CADPS: variants seen among roughly 807,000 people sequenced by gnomAD.
The protein encoded by CADPS is calcium dependent secretion activator, also known as calcium-dependent secretion activator 1.
In CADPS, 57 loss-of-function variants were observed where a neutral mutation model predicts 167.3. The ratio of observed to expected loss-of-function variants is 0.34; its 90% CI spans 0.28 to 0.42. The LOEUF (loss-of-function observed/expected upper bound fraction) is 0.42, where lower values mean the gene tolerates loss of function less well. Among genes scored for constraint, CADPS ranks in the 20% least tolerant of loss-of-function variants. The pLI is 1.00. For missense variants in CADPS, 1,414 were observed against 1,738.1 expected (o/e 0.81, Z 3.32); for synonymous variants, 676 against 635.3 (o/e 1.06, Z -0.96).
At chr3:62,769,597 C>A (rs746455471) in intron 1 of CADPS, among the ~76,000 whole-genome samples, 2 of 152,140 alleles carry the variant, frequency 1.3e-5, no homozygotes, top group Non-Finnish European at 2.9e-5. Flanking sequence ...GGGGACATTT[C>A]ACATGTACAC....
At chr3:62,442,256 G>A (rs746529235) in intron 27 of CADPS, among the ~76,000 whole-genome samples, 76 of 147,838 alleles carry the variant, frequency 5.1e-4, no homozygotes, top group Non-Finnish European at 8.1e-4. Context: ...TTGTTGCCCA[G>A]GCTGGAGTAC....
chr3:62,542,579 C>G (rs2075864574), intron 11 of CADPS, among the ~76,000 whole-genome samples: 1 of 152,030 alleles, frequency 6.6e-6, no homozygotes, highest in Non-Finnish European at 1.5e-5. Context: ...TGCCTGCTGC[C>G]CAGAGGCACA....
At chr3:62,863,637 T>C (rs2081199278) in intron 1 of CADPS, among the ~76,000 whole-genome samples, 3 of 152,252 alleles carry the variant, frequency 2.0e-5, no homozygotes, top group Admixed American at 1.3e-4. Context: ...TAGTTAAGCA[T>C]GGATGGGGAG....
At chr3:62,573,757 G>A (rs2081750173) in intron 8 of CADPS, among the ~76,000 whole-genome samples, 1 of 152,092 alleles carries the variant, frequency 6.6e-6, no homozygotes, top group Admixed American at 6.5e-5. Flanking sequence ...TAATTCTGCT[G>A]TTACAGTTAT....
rs890226077 is a variant in CADPS at position 62,753,537 on chromosome 3, G to A, written c.792C>T (p.Ser264=). Residue 264 remains serine (S), a synonymous_variant, in exon 3 of 30, where the codon TCC becomes TCT. Coordinates refer to ENST00000383710, the MANE Select transcript of CADPS (RefSeq NM_003716.4). This position sits in a 1 kb window ranked among gnomAD's most constrained non-coding sequence, Gnocchi z 4.6. ...GTTGCTCCTTGCTCAGAATCAGCTC[G>A]GAGGCTGCGCTGGCTGTCATCCGGG... The part of the protein sequence containing the change: ...QQARMTASAA[S]ELILSKEQLY... 1.2e-5 allele frequency: 19 copies of A among 1,613,972 alleles called. No homozygotes were observed. The highest frequency in any genetic ancestry group is 1.7e-5 in the Admixed American group (1 of 59,984).
At chr3:62,512,023 A>T (rs1484010724) in intron 17 of CADPS, among the ~76,000 whole-genome samples, 3 of 152,162 alleles carry the variant, frequency 2.0e-5, no homozygotes, top group Non-Finnish European at 4.4e-5. Context: ...GAATGTGCTC[A>T]GGAATGCTTT....
intron 29 of CADPS, among the ~76,000 whole-genome samples, chr3:62,402,168 T>A (rs528674791): frequency 2.1e-4 from 29 of 137,414 alleles, no homozygotes; most frequent in African/African-American, 8.0e-4. Context: ...GAACAGCAGT[T>A]GGTTGTAAGT....
rs190467072 is a variant in CADPS at position 62,561,439 on chromosome 3, T to C, written c.1645-3926A>G. 1.0e-3 allele frequency among the ~76,000 whole-genome samples: 154 copies of C among 151,880 alleles called. 1 individual carries two copies. The East Asian group carries it at 0.023, about 23-fold the overall frequency. ...GGCTATTTTTTTTTTTTTTTAATTT[T>C]TTGGTAGAGATGGTGGGGGGGATGT... is the stretch of plus-strand genomic sequence containing the variant. On this transcript the variant is annotated intron_variant, in intron 9 of 29. Transcript: ENST00000383710.
rs144078102 is a variant in CADPS at position 62,491,369 on chromosome 3, C to A, written c.2996G>T (p.Gly999Val). The A allele has an allele frequency of 2.5e-6, 4 of 1,613,964 alleles. No individual in the cohort carries two copies. In the African/African-American group the frequency reaches 5.3e-5, roughly 22 times the overall value. Residue 999 changes from glycine (G) to valine (V), a missense_variant, in exon 21 of 30, where the codon GGC (glycine) becomes GTC (valine). By Grantham distance (109) the Gly-to-Val change is moderately radical (BLOSUM62 -3). Coordinates refer to ENST00000383710, the MANE Select transcript of CADPS (RefSeq NM_003716.4). ...ESSIAQSIHRGFERESWEPVK... is the reference protein window; with the variant it reads ...ESSIAQSIHRVFERESWEPVK... ...TGGTTCCCATGACTCCCGCTCAAAG[C>A]CCCTGTGAATGGATTGTGCAATTGA...
rs1491524212 is a variant in CADPS at position 62,624,215 on chromosome 3, CTA to C, written c.1325+21505_1325+21506del. Among the ~76,000 whole-genome samples, 5 of 136,446 alleles carry C rather than the reference CTA, an allele frequency of 3.7e-5. No homozygotes were observed. The Admixed American group carries it at 3.9e-4, about 11-fold the overall frequency. The allele number at this position is 136,446 out of a possible 152,430, so 89.5% of individuals were successfully genotyped here. On this transcript the variant is annotated intron_variant, in intron 6 of 29. Coordinates refer to ENST00000383710, the MANE Select transcript of CADPS (RefSeq NM_003716.4). ...AGTAGTAGGGAAATTTTAGGTAGTTCTAAGAGTTGCACAGGTCCTTGAAGGAA... is the reference window on the plus strand; with the variant it reads ...AGTAGTAGGGAAATTTTAGGTAGTTCAGAGTTGCACAGGTCCTTGAAGGAA...
intron 3 of CADPS, among the ~76,000 whole-genome samples, chr3:62,707,249 A>G (rs1485399218): frequency 6.6e-6 from 1 of 152,064 alleles, no homozygotes; most frequent in Non-Finnish European, 1.5e-5. Flanking sequence ...AGGGATCTCC[A>G]TTGTATGCTC....
At chr3:62,503,742 T>C (rs1362308957) in intron 17 of CADPS, among the ~76,000 whole-genome samples, 1 of 152,232 alleles carries the variant, frequency 6.6e-6, no homozygotes, top group African/African-American at 2.4e-5. Flanking sequence ...AATGTTAGAA[T>C]ACTGTAATCA....
chr3:62,696,029 T>TC (rs1263936444), intron 3 of CADPS, among the ~76,000 whole-genome samples: 1 of 152,266 alleles, frequency 6.6e-6, no homozygotes, highest in East Asian at 1.9e-4. Flanking sequence ...TTGTCAGTTA[T>TC]CAGGGAAACT....
At chr3:62,493,758 T>C in intron 18 of CADPS, 93 bp from the exon 19 acceptor site, 1 of 1,069,632 alleles carries the variant, frequency 9.3e-7, no homozygotes, top group East Asian at 2.6e-5. Flanking sequence ...TCCATTTTAA[T>C]TTACAGTAAA....
intron 24 of CADPS, among the ~76,000 whole-genome samples, chr3:62,472,944 T>C (rs1280329800): frequency 6.6e-6 from 1 of 152,192 alleles, no homozygotes; most frequent in African/African-American, 2.4e-5. Context: ...GCCAGCAGCA[T>C]TAGCATCGCC....
At chr3:62,481,953 A>G (rs961027685) in intron 21 of CADPS, 84 bp from the exon 22 acceptor site, 2 of 1,356,572 alleles carry the variant, frequency 1.5e-6, no homozygotes, top group Non-Finnish European at 2.1e-6. Flanking sequence ...TTGTAAATAA[A>G]TTGACCAAGT....
intron 6 of CADPS, among the ~76,000 whole-genome samples, chr3:62,599,804 A>T (rs2059603925): frequency 1.1e-3 from 15 of 13,128 alleles, no homozygotes; most frequent in East Asian, 3.2e-3. Flanking sequence ...TATAATATAT[A>T]ATAAATAATA....
chr3:62,663,111 T>G (rs1461543751), intron 3 of CADPS, among the ~76,000 whole-genome samples: 4 of 152,184 alleles, frequency 2.6e-5, no homozygotes, highest in African/African-American at 9.7e-5. Context: ...TTTCTGTGAC[T>G]CTTTGAAAGG....
chr3:62,874,451 C>G lies in CADPS; in HGVS notation c.441+138G>C, dbSNP rs2083277816. 1 of 646,710 alleles carries G rather than the reference C, an allele frequency of 1.5e-6. No homozygotes were observed. Among genetic ancestry groups the G allele is most frequent in the East Asian group, 3.0e-5 (1 of 33,250 alleles). 40.1% of individuals were successfully genotyped at this position (646,710 alleles called of 1,614,324 possible). ...GGCGAGCCCGGCCGCTGGGAGGGGG[C>G]CTCGTAGCCCTTTCCCCAGGGCGCG... On this transcript the variant is annotated intron_variant, in intron 1 of 29. Coordinates refer to ENST00000383710, the MANE Select transcript of CADPS (RefSeq NM_003716.4). The surrounding 1 kb of genome is among the most constrained non-coding windows in gnomAD (Gnocchi z 7.1).
Sources: gnomAD v4.1 joint callset for allele counts (sites outside exome capture counted in the v4.1 genomes callset) on GRCh38, gnomAD v4.1.1 for gene constraint, Gnocchi (gnomAD v3.1) non-coding constraint, MANE v1.5 for transcripts, NCBI Gene and HGNC (gene_info 2026-07-23, HGNC 2026-07-21) for gene names.